The following LARP1 variants were observed in gnomAD, a reference collection of about 807,000 sequenced individuals.
The protein encoded by LARP1 is La ribonucleoprotein 1, translational regulator, also known as la-related protein 1.
In LARP1, 36 loss-of-function variants were observed where a neutral mutation model predicts 122.7. That is an observed-to-expected ratio of 0.29 (90% CI 0.22 to 0.39). LARP1 has a LOEUF of 0.39. Ranked by LOEUF, LARP1 falls within the 10% of genes least tolerant of loss-of-function variation. The pLI, the probability that LARP1 is intolerant of heterozygous loss-of-function variation, is 1.00. For synonymous variants in LARP1, 539 were observed against 528.7 expected (o/e 1.02, Z -0.27); for missense variants, 1,040 against 1,403.6 (o/e 0.74, Z 4.14).
intron 1 of LARP1, among the ~76,000 whole-genome samples, chr5:154,762,166 C>T (rs551470649): frequency 1.6e-4 from 25 of 152,184 alleles, no homozygotes; most frequent in South Asian, 6.2e-4. Flanking sequence ...TTGCTCGAAC[C>T]GGGGAGGCGG....
At chr5:154,685,894 G>C (rs773197465) in intron 1 of LARP1, 4 of 493,086 alleles carry the variant, frequency 8.1e-6, no homozygotes, top group Non-Finnish European at 1.6e-5. Flanking sequence ...CCCTAAGTGG[G>C]AGCCCTACTG....
At position 154,685,245 on chromosome 5, in the gene LARP1, G is replaced by GAA. The variant is rs112022253; in HGVS notation, c.-180+2221_-180+2222dup. Among the ~76,000 whole-genome samples the GAA allele has an allele frequency of 1.1e-3, 145 of 136,496 alleles. 2 individuals are homozygous for GAA. In the East Asian group the frequency reaches 0.02, roughly 19 times the overall value. The allele number at this position is 136,496 out of a possible 152,430, so 89.5% of individuals were successfully genotyped here. A position where few individuals can be genotyped will look rare whatever the true frequency, so the allele number is the denominator to read the frequency against. On this transcript the variant is annotated intron_variant, in intron 1 of 18. Coordinates refer to the LARP1 transcript ENST00000687700. ...GGTGACAGAGTGAGACAACATCTCA[G>GAA]AAAAAAAAAAAAAAGAATTGCACTC...
intron 4 of LARP1, among the ~76,000 whole-genome samples, chr5:154,793,266 G>C (rs953114968): frequency 1.2e-4 from 19 of 152,058 alleles, no homozygotes; most frequent in African/African-American, 4.4e-4. Flanking sequence ...CTTAGCTCTC[G>C]TAGGCAGTGT....
chr5:154,791,323 C>T (rs1319062345), intron 3 of LARP1, among the ~76,000 whole-genome samples: 1 of 152,024 alleles, frequency 6.6e-6, no homozygotes, highest in Non-Finnish European at 1.5e-5. Flanking sequence ...AAGTGATTCT[C>T]CCGCCTCAGC....
At chr5:154,717,171 A>G (rs1480505141) in intron 1 of LARP1, among the ~76,000 whole-genome samples, 2 of 152,138 alleles carry the variant, frequency 1.3e-5, no homozygotes, top group Non-Finnish European at 2.9e-5. Flanking sequence ...ATCTGGCACT[A>G]TATGTCCACA....
chr5:154,806,853 T>C (rs1321604311), intron 15 of LARP1, among the ~76,000 whole-genome samples: 1 of 152,198 alleles, frequency 6.6e-6, no homozygotes, highest in Non-Finnish European at 1.5e-5. Context: ...AAGAATACAA[T>C]GTAATAGCTC....
In LARP1 at chr5:154,758,837, A is replaced by G. The variant is rs1220273756; in HGVS notation, c.436+2644A>G. Among the ~76,000 whole-genome samples, 6 of 152,150 alleles carry G rather than the reference A, an allele frequency of 3.9e-5. No homozygotes were observed. The South Asian group carries it at 6.2e-4, about 16-fold the overall frequency. ...AACTAGTAATAAAATATGTTTCGTGATATCTCTACTTTCTTGTGGGGTTCT... is the reference window on the plus strand; with the variant it reads ...AACTAGTAATAAAATATGTTTCGTGGTATCTCTACTTTCTTGTGGGGTTCT... On this transcript the variant is annotated intron_variant, in intron 1 of 18. Coordinates refer to ENST00000518297, the MANE Select transcript of LARP1 (RefSeq NM_033551.3).
intron 1 of LARP1, among the ~76,000 whole-genome samples, chr5:154,744,676 C>T (rs1177263115): frequency 1.3e-4 from 11 of 83,910 alleles, no homozygotes; most frequent in African/African-American, 4.3e-4. Context: ...CTCGCTCTGT[C>T]GCCCAGGCTG....
chr5:154,725,698 C>T (rs1034823834), intron 1 of LARP1, among the ~76,000 whole-genome samples: 10 of 152,166 alleles, frequency 6.6e-5, no homozygotes, highest in Admixed American at 1.3e-4. Context: ...TATTTTCCTG[C>T]GCAAGGGATA....
Position 154,755,707 on chromosome 5 carries a change from G to C in LARP1, c.-51G>C. On this transcript the variant is annotated 5_prime_UTR_variant, in exon 1 of 19. Transcript: ENST00000518297. ...CGCTCTGCTAGCCAAGTTCGAGGCG[G>C]GGGAGGCAGCCTCGGGCGCGCCCGG... 1 of 987,964 alleles carries C rather than the reference G, an allele frequency of 1.0e-6. No homozygotes were observed. The highest frequency in any genetic ancestry group is 1.7e-5 in the African/African-American group (1 of 57,394). The allele number at this position is 987,964 out of a possible 1,614,324, so 61.2% of individuals were successfully genotyped here.
intron 1 of LARP1, among the ~76,000 whole-genome samples, chr5:154,768,765 A>G (rs1403299003): frequency 1.3e-5 from 2 of 152,110 alleles, no homozygotes; most frequent in African/African-American, 4.8e-5. Context: ...TATTTTTAGT[A>G]GAGATGGGGT....
At chr5:154,690,720 T>C (rs1299021234) in intron 1 of LARP1, among the ~76,000 whole-genome samples, 1 of 152,142 alleles carries the variant, frequency 6.6e-6, no homozygotes, top group East Asian at 1.9e-4. Flanking sequence ...CCGCCCGCAC[T>C]GGTGGTGTGC....
chr5:154,747,108 C>A (rs773876378), intron 1 of LARP1, among the ~76,000 whole-genome samples: 1 of 151,870 alleles, frequency 6.6e-6, no homozygotes, highest in Non-Finnish European at 1.5e-5. Context: ...CCAGCCTGGG[C>A]GACAGGGCGA....
Position 154,807,336 on chromosome 5 carries a change from T to C in LARP1, c.2699-1123T>C, listed in dbSNP as rs1758869267. 3.3e-5 allele frequency among the ~76,000 whole-genome samples: 5 copies of C among 152,174 alleles called. No individual in the cohort carries two copies. The South Asian group carries it at 1.0e-3, about 32-fold the overall frequency. ...TTTCCTGTAGACGTAGTTTCTCCTTTATTTTGGTTAGAAGAGTAGTATTGC... is the reference window on the plus strand; with the variant it reads ...TTTCCTGTAGACGTAGTTTCTCCTTCATTTTGGTTAGAAGAGTAGTATTGC... On this transcript the variant is annotated intron_variant, in intron 15 of 18. Coordinates refer to ENST00000518297, the MANE Select transcript of LARP1 (RefSeq NM_033551.3).
chr5:154,785,872 C>T (rs995425271), intron 1 of LARP1, among the ~76,000 whole-genome samples: 1 of 152,186 alleles, frequency 6.6e-6, no homozygotes, highest in Non-Finnish European at 1.5e-5. Context: ...TTCTCTTCAT[C>T]CTTCATTAGC....
chr5:154,799,324 GT>G (rs999122875), intron 8 of LARP1, among the ~76,000 whole-genome samples: 5 of 152,162 alleles, frequency 3.3e-5, no homozygotes, highest in African/African-American at 1.2e-4. Flanking sequence ...CTCCCTGTTT[GT>G]GCAAGTGTTC....
chr5:154,688,067 A>C (rs905169473), intron 1 of LARP1, among the ~76,000 whole-genome samples: 3 of 152,096 alleles, frequency 2.0e-5, no homozygotes, highest in African/African-American at 7.2e-5. Context: ...CCAAGAAGTG[A>C]GTTGCCACAG....
intron 3 of LARP1, 42 bp from the exon 4 acceptor site, chr5:154,792,580 G>C (rs1340340059): frequency 6.3e-7 from 1 of 1,591,186 alleles, no homozygotes. Context: ...ATACCATGAG[G>C]CACTCACACT....
chr5:154,706,970 A>C (rs1345112772), intron 1 of LARP1, among the ~76,000 whole-genome samples: 1 of 152,234 alleles, frequency 6.6e-6, no homozygotes, highest in Non-Finnish European at 1.5e-5. Context: ...TTATGGTCCC[A>C]AAATCAAAAG....
Sources: gnomAD v4.1 joint callset for allele counts (sites outside exome capture counted in the v4.1 genomes callset) on GRCh38, gnomAD v4.1.1 for gene constraint, MANE v1.5 for transcripts, NCBI Gene and HGNC (gene_info 2026-07-23, HGNC 2026-07-21) for gene names.